Variants in PRKG1 observed in about 807,000 individuals in gnomAD.
PRKG1 encodes the protein cGMP-dependent protein kinase 1.
A neutral mutation model predicts 88.1 loss-of-function variants in PRKG1; 35 were observed. That is an observed-to-expected ratio of 0.40 (90% CI 0.30 to 0.53). PRKG1 has a LOEUF of 0.53. Among genes scored for constraint, PRKG1 ranks in the 20% least tolerant of loss-of-function variants. The probability of loss-of-function intolerance (pLI) is 0.59; values close to 1 mark genes in which losing one functional copy is unlikely to be tolerated. For missense variants in PRKG1, 540 were observed against 839.8 expected (o/e 0.64, Z 4.41); for synonymous variants, 303 against 292.5 (o/e 1.04, Z -0.37).
intron 2 of PRKG1, among the ~76,000 whole-genome samples, chr10:51,230,891 A>G (rs954760136): frequency 6.6e-6 from 1 of 152,014 alleles, no homozygotes; most frequent in Non-Finnish European, 1.5e-5. Flanking sequence ...ATGAATGTGG[A>G]GGGCTGGTTG....
chr10:51,245,780 A>G (rs1339969209), intron 2 of PRKG1: 1 of 152,070 alleles, frequency 6.6e-6, no homozygotes, highest in Non-Finnish European at 1.5e-5. Flanking sequence ...CTTAACTGTA[A>G]CTGTTGGAAT....
At chr10:51,294,070 C>CT (rs1840654016) in intron 2 of PRKG1, among the ~76,000 whole-genome samples, 1 of 151,826 alleles carries the variant, frequency 6.6e-6, no homozygotes. Flanking sequence ...AATAGAGTTT[C>CT]TTTTTTTACT....
At chr10:52,166,023 A>C (rs1444955108) in intron 9 of PRKG1, among the ~76,000 whole-genome samples, 1 of 152,182 alleles carries the variant, frequency 6.6e-6, no homozygotes, top group Admixed American at 6.5e-5. Flanking sequence ...AATTTTGCCT[A>C]TATGGCATGC....
intron 2 of PRKG1, among the ~76,000 whole-genome samples, chr10:51,294,419 A>C (rs1367506536): frequency 6.6e-6 from 1 of 152,056 alleles, no homozygotes; most frequent in Non-Finnish European, 1.5e-5. Context: ...GTTCAATTTC[A>C]TTCTTCTGTG....
At chr10:51,308,948 G>A (rs1231837059) in intron 2 of PRKG1, among the ~76,000 whole-genome samples, 4 of 152,094 alleles carry the variant, frequency 2.6e-5, no homozygotes, top group Non-Finnish European at 5.9e-5. Flanking sequence ...CTTGTTCTGG[G>A]AGTGTAGAGA....
chr10:51,942,734 C>G (rs1418850374), intron 5 of PRKG1, among the ~76,000 whole-genome samples: 5 of 150,590 alleles, frequency 3.3e-5, no homozygotes, highest in African/African-American at 9.9e-5. Context: ...GCTTGTTTTT[C>G]TCAGGTTTGT....
intron 2 of PRKG1, among the ~76,000 whole-genome samples, chr10:51,323,873 G>T (rs1179590278): frequency 2.0e-5 from 3 of 152,122 alleles, no homozygotes; most frequent in African/African-American, 7.2e-5. Context: ...GATTGCTTGA[G>T]CCCAGGAGTT....
rs148087982 is a variant in PRKG1 at position 51,464,949 on chromosome 10, T to A, written c.479-2774T>A. Among the ~76,000 whole-genome samples, 275 of 151,476 alleles carry A rather than the reference T, an allele frequency of 1.8e-3. 1 individual carries two copies. The highest frequency in any genetic ancestry group is 5.9e-3 in the African/African-American group (245 of 41,240). ...AAATAAGTTTGAACCAGAAGTGAGCTTGTGCACAAATTTTAAACTTTGGAG... is the reference window on the plus strand; with the variant it reads ...AAATAAGTTTGAACCAGAAGTGAGCATGTGCACAAATTTTAAACTTTGGAG... On this transcript the variant is annotated intron_variant, in intron 2 of 17. Coordinates refer to ENST00000373980, the MANE Select transcript of PRKG1 (RefSeq NM_006258.4).
chr10:51,518,907 A>G (rs1841664361), intron 3 of PRKG1, among the ~76,000 whole-genome samples: 1 of 152,156 alleles, frequency 6.6e-6, no homozygotes, highest in Non-Finnish European at 1.5e-5. Flanking sequence ...TCTTAGCTAT[A>G]AGGATTTGAA....
At chr10:51,589,131 A>G (rs1838245461) in intron 3 of PRKG1, among the ~76,000 whole-genome samples, 1 of 152,096 alleles carries the variant, frequency 6.6e-6, no homozygotes, top group African/African-American at 2.4e-5. Context: ...TGCTAACTGG[A>G]TATTCATGAA....
chr10:51,662,163 A>C (rs887950757), intron 3 of PRKG1, among the ~76,000 whole-genome samples: 1 of 152,148 alleles, frequency 6.6e-6, no homozygotes, highest in African/African-American at 2.4e-5. Flanking sequence ...ACAACATGGC[A>C]CATGTATACA....
chr10:52,127,928 C>A (rs1269422918), intron 7 of PRKG1: 8 of 769,968 alleles, frequency 1.0e-5, no homozygotes, highest in East Asian at 2.6e-4. Flanking sequence ...GCCAAGGGAT[C>A]CAATTTTCAA....
chr10:51,083,807 G>C (rs531545965), intron 1 of PRKG1, among the ~76,000 whole-genome samples: 1 of 152,278 alleles, frequency 6.6e-6, no homozygotes, highest in South Asian at 2.1e-4. Flanking sequence ...CCTATTGCCA[G>C]CTCTGTGTGT....
chr10:51,338,172 T>C (rs1841922675), intron 2 of PRKG1, among the ~76,000 whole-genome samples: 1 of 152,016 alleles, frequency 6.6e-6, no homozygotes, highest in Non-Finnish European at 1.5e-5. Context: ...TGAGAACACA[T>C]GGACACAAGG....
chr10:51,761,390 C>CAT, intron 3 of PRKG1, among the ~76,000 whole-genome samples: 1 of 152,094 alleles, frequency 6.6e-6, no homozygotes, highest in Non-Finnish European at 1.5e-5. Context: ...TGAAAGTGTC[C>CAT]AGCTGAGTAT....
chr10:52,021,282 G>A, intron 5 of PRKG1, among the ~76,000 whole-genome samples: 1 of 152,154 alleles, frequency 6.6e-6, no homozygotes, highest in Non-Finnish European at 1.5e-5. Context: ...TGTTGCTTTT[G>A]GATTTTATTC....
intron 2 of PRKG1, among the ~76,000 whole-genome samples, chr10:51,252,215 A>G (rs1292724342): frequency 6.6e-6 from 1 of 151,834 alleles, no homozygotes; most frequent in Non-Finnish European, 1.5e-5. Flanking sequence ...GCTCTATTGT[A>G]TAGTATTTGT....
At chr10:51,109,645 C>G (rs2131894797) in intron 1 of PRKG1, among the ~76,000 whole-genome samples, 1 of 152,152 alleles carries the variant, frequency 6.6e-6, no homozygotes, top group Middle Eastern at 3.4e-3. Flanking sequence ...GTAAACCTTC[C>G]ATCTTTTAGA....
At chr10:51,410,219 T>C (rs1226256131) in intron 2 of PRKG1, among the ~76,000 whole-genome samples, 4 of 146,410 alleles carry the variant, frequency 2.7e-5, no homozygotes, top group African/African-American at 1.0e-4. Flanking sequence ...CCCCTTTACA[T>C]ATATATATGT....
Sources: gnomAD v4.1 joint callset for allele counts (sites outside exome capture counted in the v4.1 genomes callset) on GRCh38, gnomAD v4.1.1 for gene constraint, MANE v1.5 for transcripts, NCBI Gene and HGNC (gene_info 2026-07-23, HGNC 2026-07-21) for gene names.